ADAMTS16: variants seen among roughly 807,000 people sequenced by gnomAD.
The protein encoded by ADAMTS16 is ADAM metallopeptidase with thrombospondin type 1 motif 16.
Under a neutral mutation model 145.8 loss-of-function variants are expected in ADAMTS16, and 94 were observed. That is an observed-to-expected ratio of 0.64 (90% CI 0.55 to 0.77). The LOEUF is 0.77. Among genes scored for constraint, ADAMTS16 ranks in the 30% least tolerant of loss-of-function variants. The probability of loss-of-function intolerance (pLI) is 0.00; values close to 1 mark genes in which losing one functional copy is unlikely to be tolerated. For missense variants in ADAMTS16, 1,585 were observed against 1,591.5 expected, an observed-to-expected ratio of 1.00 and a Z score of 0.07; for synonymous variants, 659 against 604.3, an observed-to-expected ratio of 1.09 and a Z score of -1.33.
chr5:5,319,985 G>A lies in ADAMTS16; in HGVS notation c.*847G>A, dbSNP rs2126545002. 2.2e-6 allele frequency: 1 copy of A among 452,094 alleles called. No homozygotes were observed. Among genetic ancestry groups the A allele is most frequent in the African/African-American group, 2.0e-5 (1 of 49,850 alleles). 28.0% of individuals were successfully genotyped at this position (452,094 alleles called of 1,614,324 possible). ...TTACATCAAAACCCTACCATCCTGAGAAGAGTTATGGTTCTATTATAGCAG... is the reference window on the plus strand; with the variant it reads ...TTACATCAAAACCCTACCATCCTGAAAAGAGTTATGGTTCTATTATAGCAG... On this transcript the variant is annotated 3_prime_UTR_variant, in exon 23 of 23. Transcript: ENST00000274181.
intron 3 of ADAMTS16, among the ~76,000 whole-genome samples, chr5:5,150,820 A>G (rs2086307): frequency 0.26 from 39,532 of 152,136 alleles, 5,613 homozygotes; most frequent in Admixed American, 0.43. Context: ...CACTTTCAAT[A>G]TGTCATCCTA....
At chr5:5,273,905 A>G (rs1738581801) in intron 18 of ADAMTS16, among the ~76,000 whole-genome samples, 1 of 152,236 alleles carries the variant, frequency 6.6e-6, no homozygotes, top group Non-Finnish European at 1.5e-5. Context: ...CTGAATTTGA[A>G]TATGTCATTG....
rs112497633 is a variant in ADAMTS16 at position 5,269,690 on chromosome 5, G to A, written c.2789+6907G>A. On this transcript the variant is annotated intron_variant, in intron 18 of 22. Transcript: ENST00000274181. This position sits in a 1 kb window ranked among gnomAD's most constrained non-coding sequence, Gnocchi z 4.3. ...TTTTTCCATATAAGTGACCCATTTC[G>A]CCCAGTGGTTCCTGTTGTTTTTCTG... Among the ~76,000 whole-genome samples the A allele has an allele frequency of 3.5e-4, 53 of 152,198 alleles. 1 individual carries two copies. The highest frequency in any genetic ancestry group is 1.2e-3 in the African/African-American group (49 of 41,514).
rs201687966 is a variant in ADAMTS16, at chr5:5,235,055, C to A, written c.1892C>A (p.Thr631Asn). ...GGKFCEGSTR[T>N]LKLCNSQKCP... is the part of the protein sequence containing the mutation. ...AAGTTCTGTGAGGGCTCCACTCGCACTCTGAAGCTCTGCAACAGTCAGAAA... is the reference window on the plus strand; with the variant it reads ...AAGTTCTGTGAGGGCTCCACTCGCAATCTGAAGCTCTGCAACAGTCAGAAA... Residue 631 changes from threonine to asparagine, a missense_variant, in exon 13 of 23, where the codon ACT becomes AAT. Around this residue, in one of 3 missense-constraint regions of ADAMTS16, gnomAD observed 834 missense variants for 811.7 expected, o/e 1.03. Coordinates refer to ENST00000274181, the MANE Select transcript of ADAMTS16 (RefSeq NM_139056.4). 10 of 1,600,746 alleles carry A rather than the reference C, an allele frequency of 6.2e-6. No homozygotes were observed. The Admixed American group carries it at 1.5e-4, about 24-fold the overall frequency.
At chr5:5,197,657 T>C (rs1466775078) in intron 8 of ADAMTS16, among the ~76,000 whole-genome samples, 3 of 152,230 alleles carry the variant, frequency 2.0e-5, no homozygotes. Flanking sequence ...ATAGTAGTTA[T>C]AGTTCTTGGT....
At chr5:5,145,549 C>G (rs1210651569) in intron 2 of ADAMTS16, among the ~76,000 whole-genome samples, 1 of 152,190 alleles carries the variant, frequency 6.6e-6, no homozygotes, top group East Asian at 1.9e-4. Flanking sequence ...ATGTTTATTA[C>G]CACAGCATTG....
intron 10 of ADAMTS16, among the ~76,000 whole-genome samples, chr5:5,219,643 A>T (rs1736536688): frequency 6.6e-6 from 1 of 152,196 alleles, no homozygotes; most frequent in Non-Finnish European, 1.5e-5. Flanking sequence ...GGGTTATATG[A>T]TCGTCAGTTT....
At chr5:5,215,870 G>GTATGTA (rs1736420675) in intron 10 of ADAMTS16, among the ~76,000 whole-genome samples, 6 of 101,616 alleles carry the variant, frequency 5.9e-5, no homozygotes, top group African/African-American at 2.5e-4. Flanking sequence ...GTGTGTATGT[G>GTATGTA]TATATATATA....
chr5:5,276,148 A>T (rs2964391), intron 18 of ADAMTS16, among the ~76,000 whole-genome samples: 3 of 151,894 alleles, frequency 2.0e-5, no homozygotes, highest in Admixed American at 6.6e-5. Context: ...TGTGAGCCAC[A>T]GTGCCCGGCC....
At chr5:5,283,822 T>G (rs938277665) in intron 18 of ADAMTS16, among the ~76,000 whole-genome samples, 2 of 152,202 alleles carry the variant, frequency 1.3e-5, no homozygotes, top group African/African-American at 4.8e-5. Flanking sequence ...GAATGAAGCT[T>G]GGGGTGTGTG....
At chr5:5,290,381 G>A (rs367909556) in intron 18 of ADAMTS16, among the ~76,000 whole-genome samples, 7 of 152,336 alleles carry the variant, frequency 4.6e-5, no homozygotes, top group East Asian at 3.9e-4. Context: ...TAGGCCGGGC[G>A]TGGTGGCTCA....
intron 21 of ADAMTS16, among the ~76,000 whole-genome samples, chr5:5,309,852 G>C (rs1366310683): frequency 1.3e-5 from 2 of 151,330 alleles, no homozygotes; most frequent in Non-Finnish European, 3.0e-5. Context: ...GTGTGTGTGT[G>C]TGTGCATGTG....
intron 3 of ADAMTS16, among the ~76,000 whole-genome samples, chr5:5,151,172 C>A (rs1734442525): frequency 6.6e-6 from 1 of 151,716 alleles, no homozygotes; most frequent in South Asian, 2.1e-4. Flanking sequence ...CATTCAAATT[C>A]TCTGTGCAAC....
In ADAMTS16 at chr5:5,191,728, C is replaced by T. The variant is rs1370001590; in HGVS notation, c.1251C>T (p.Cys417=). ...ISGMCSKYRS[C]TINEDTGLGL... ...GAATGTGTAGTAAATATCGCAGCTG[C>T]ACGATTAATGAAGATACAGGTCTTG... The change falls in exon 8 of 23, where the codon TGC becomes TGT. Residue 417 remains cysteine, a synonymous_variant. Coordinates refer to ENST00000274181, the MANE Select transcript of ADAMTS16 (RefSeq NM_139056.4). The T allele has an allele frequency of 5.0e-6, 8 of 1,613,764 alleles. No individual in the cohort carries two copies. The highest frequency in any genetic ancestry group is 6.8e-6 in the Non-Finnish European group (8 of 1,179,766).
intron 18 of ADAMTS16, among the ~76,000 whole-genome samples, chr5:5,278,727 G>A (rs568002780): frequency 6.6e-6 from 1 of 152,314 alleles, no homozygotes; most frequent in East Asian, 1.9e-4. Context: ...TAAGTTGGGG[G>A]TGACAGAGTC....
intron 3 of ADAMTS16, among the ~76,000 whole-genome samples, chr5:5,149,703 C>A (rs535797103): frequency 6.6e-6 from 1 of 152,178 alleles, no homozygotes; most frequent in African/African-American, 2.4e-5. Context: ...AAAAATAAAC[C>A]CTTATGGGCA....
chr5:5,241,502 A>G (rs1352518548), intron 16 of ADAMTS16, among the ~76,000 whole-genome samples: 1 of 152,246 alleles, frequency 6.6e-6, no homozygotes, highest in Non-Finnish European at 1.5e-5. Context: ...TTGGTCAGGC[A>G]TGGATCATAC....
chr5:5,170,170 T>C (rs935522666), intron 3 of ADAMTS16, among the ~76,000 whole-genome samples: 1 of 152,182 alleles, frequency 6.6e-6, no homozygotes, highest in African/African-American at 2.4e-5. Flanking sequence ...CTACCAATAG[T>C]ATACGAGGAT....
intron 10 of ADAMTS16, among the ~76,000 whole-genome samples, chr5:5,214,514 G>T (rs1736369201): frequency 1.3e-5 from 2 of 152,246 alleles, no homozygotes; most frequent in South Asian, 4.1e-4. Flanking sequence ...CCAGGCTCAA[G>T]CAATTCTCAT....
Sources: gnomAD v4.1 joint callset for allele counts (sites outside exome capture counted in the v4.1 genomes callset) on GRCh38, gnomAD v4.1.1 for gene constraint, gnomAD v4.1.1 regional missense constraint, Gnocchi (gnomAD v3.1) non-coding constraint, MANE v1.5 for transcripts, NCBI Gene and HGNC (gene_info 2026-07-23, HGNC 2026-07-21) for gene names.